Variants in TMPRSS5 observed in about 807,000 individuals in gnomAD.
The protein encoded by TMPRSS5 is transmembrane serine protease 5.
In TMPRSS5, 45 loss-of-function variants were observed where a neutral mutation model predicts 59.7. That is an observed-to-expected ratio of 0.75 (90% CI 0.59 to 0.97). TMPRSS5 has a LOEUF of 0.97. Ranked by LOEUF, TMPRSS5 falls within the 50% of genes least tolerant of loss-of-function variation. The probability of loss-of-function intolerance (pLI) is 0.00; values close to 1 mark genes in which losing one functional copy is unlikely to be tolerated. For missense variants in TMPRSS5, 585 were observed against 596.7 expected (o/e 0.98, Z 0.20); for synonymous variants, 225 against 232.0 (o/e 0.97, Z 0.27).
intron 3 of TMPRSS5, 73 bp downstream of exon 3, chr11:113,699,522 C>T (rs1464287811): frequency 1.5e-6 from 2 of 1,306,354 alleles, no homozygotes; most frequent in Non-Finnish European, 2.1e-6. Context: ...TCCCATTTAC[C>T]TTTAACACCT....
chr11:113,690,906 T>C lies in TMPRSS5; in HGVS notation c.998A>G (p.Glu333Gly). 1 of 1,596,330 alleles carries C rather than the reference T, an allele frequency of 6.3e-7. No homozygotes were observed. The highest frequency in any genetic ancestry group is 8.5e-7 in the Non-Finnish European group (1 of 1,172,082). ...CCGCGAGCCCTTCGGAAAATGCTGT[T>C]CCTTGGCCGGCAGGCACACAGCGCC... Reference protein sequence around the residue: ...TVGAVCLPAKEQHFPKGSRCW... With the variant: ...TVGAVCLPAKGQHFPKGSRCW... Residue 333 changes from glutamate (E) to glycine (G), a missense_variant, in exon 10 of 13, where the codon GAA (glutamate) becomes GGA (glycine). Physicochemically the swap from Glu to Gly is moderately conservative, Grantham distance 98. Coordinates refer to ENST00000299882, the MANE Select transcript of TMPRSS5 (RefSeq NM_030770.4).
At chr11:113,689,974 A>G in intron 11 of TMPRSS5, 57 bp from the exon 12 acceptor site, 2 of 1,472,614 alleles carry the variant, frequency 1.4e-6, no homozygotes, top group South Asian at 2.7e-5. Context: ...TTCCTGATGG[A>G]GAGCACCAGA....
intron 9 of TMPRSS5, among the ~76,000 whole-genome samples, chr11:113,691,905 T>TTTTTTTTTTA (rs1565256095): frequency 1.2e-4 from 17 of 147,616 alleles, no homozygotes; most frequent in Non-Finnish European, 1.6e-4. Context: ...TTTTTTTTTT[T>TTTTTTTTTTA]GAGACGGAGT....
At chr11:113,690,698 GA>G (rs1449118337) in intron 10 of TMPRSS5, 142 bp downstream of exon 10, 2 of 785,160 alleles carry the variant, frequency 2.5e-6, no homozygotes, top group Admixed American at 2.7e-5. Flanking sequence ...GGAGACTGGA[GA>G]CCCTAGGCCT....
intron 1 of TMPRSS5, 111 bp downstream of exon 1, chr11:113,706,111 A>G: frequency 3.8e-6 from 5 of 1,323,492 alleles, no homozygotes; most frequent in Non-Finnish European, 5.3e-6. Flanking sequence ...CCTGTACCAG[A>G]GCTGCCTCAG....
Position 113,698,989 on chromosome 11 carries a change from C to G in TMPRSS5, c.244G>C (p.Gly82Arg), listed in dbSNP as rs1232644711. The G allele has an allele frequency of 6.2e-7, 1 of 1,610,242 alleles. No homozygotes were observed. The highest frequency in any genetic ancestry group is 1.7e-5 in the Admixed American group (1 of 59,592). Reference protein sequence around the residue: ...LCPAASQPISGTLQDEEITLS... With the variant: ...LCPAASQPISRTLQDEEITLS... ...GTTATCTCCTCATCCTGCAAGGTCC[C>G]GGAAATGGGCTGAGAGGCAGCAGGA... The change falls in exon 4 of 13, where the codon GGG (glycine) becomes CGG (arginine). Residue 82 changes from glycine to arginine, a missense_variant. Physicochemically the swap from Gly to Arg is moderately radical, Grantham distance 125. Coordinates refer to ENST00000299882, the MANE Select transcript of TMPRSS5 (RefSeq NM_030770.4).
intron 4 of TMPRSS5, among the ~76,000 whole-genome samples, chr11:113,697,883 C>T (rs995388144): frequency 3.3e-5 from 5 of 152,138 alleles, no homozygotes; most frequent in Non-Finnish European, 5.9e-5. Flanking sequence ...CTCATGTCCC[C>T]GCCCCCAAAC....
Position 113,699,017 on chromosome 11 carries a change from C to T in TMPRSS5, c.216G>A (p.Leu72=), listed in dbSNP as rs115813497. 10 of 1,611,668 alleles carry T rather than the reference C, an allele frequency of 6.2e-6. No individual in the cohort carries two copies. In the African/African-American group the frequency reaches 1.2e-4, roughly 19 times the overall value. Residue 72 remains leucine, a synonymous_variant, in exon 4 of 13, where the codon CTG becomes CTA. Transcript: ENST00000299882. ...GVGSWLLVLY[L]CPAASQPISG... ...AAATGGGCTGAGAGGCAGCAGGACA[C>T]AGATACAGCACTTTAGAGAAGAACA...
chr11:113,695,159 T>A (rs1952893787), intron 7 of TMPRSS5, among the ~76,000 whole-genome samples: 1 of 151,842 alleles, frequency 6.6e-6, no homozygotes, highest in Non-Finnish European at 1.5e-5. Context: ...TGGCAGGTAG[T>A]GAAGGAAGGA....
intron 1 of TMPRSS5, among the ~76,000 whole-genome samples, chr11:113,703,206 C>A (rs1316253667): frequency 6.6e-6 from 1 of 152,250 alleles, no homozygotes; most frequent in African/African-American, 2.4e-5. Flanking sequence ...CCACCTCTTG[C>A]ATCAGCGTGA....
At chr11:113,688,478 A>T (rs538852349) in intron 12 of TMPRSS5, among the ~76,000 whole-genome samples, 1 of 152,334 alleles carries the variant, frequency 6.6e-6, no homozygotes, top group African/African-American at 2.4e-5. Flanking sequence ...CGAATGTATT[A>T]TCTACCAACC....
intron 9 of TMPRSS5, 97 bp downstream of exon 9, chr11:113,692,974 G>C: frequency 8.0e-7 from 1 of 1,249,048 alleles, no homozygotes; most frequent in South Asian, 1.3e-5. Flanking sequence ...ACAGTGTTCA[G>C]AGGAAACTTC....
At position 113,700,150 on chromosome 11, in the gene TMPRSS5, G is replaced by T. The variant is rs540483398; in HGVS notation, c.22C>A (p.Gln8Lys). The change falls in exon 2 of 13, where the codon CAA (glutamine) becomes AAA (lysine). Residue 8 changes from glutamine to lysine, a missense_variant. By Grantham distance (53) the Gln-to-Lys change is moderately conservative (BLOSUM62 1). Transcript: ENST00000299882. Reference sequence around the variant, plus strand: ...GCATACTGGGCCTCCATAGGGGGTTGGTCATCCAGCATCAGGCTCTGGGGA... The same window carrying T: ...GCATACTGGGCCTCCATAGGGGGTTTGTCATCCAGCATCAGGCTCTGGGGA... The part of the protein sequence containing the change: MSLMLDD[Q>K]PPMEAQYAEE... The T allele has an allele frequency of 6.3e-7, 1 of 1,574,802 alleles. No individual in the cohort carries two copies. Among genetic ancestry groups the T allele is most frequent in the South Asian group, 1.2e-5 (1 of 85,332 alleles).
intron 1 of TMPRSS5, among the ~76,000 whole-genome samples, chr11:113,701,326 A>G (rs531214712): frequency 7.5e-5 from 11 of 146,240 alleles, no homozygotes; most frequent in South Asian, 6.6e-4. Flanking sequence ...CAAAATACTG[A>G]TAGTGATATG....
rs1249445863 is a variant in TMPRSS5 at position 113,688,153 on chromosome 11, G to A, written c.*107C>T. 4.1e-6 allele frequency: 6 copies of A among 1,475,162 alleles called. No individual in the cohort carries two copies. The highest frequency in any genetic ancestry group is 1.5e-5 in the South Asian group (1 of 68,374). 91.4% of individuals were successfully genotyped at this position (1,475,162 alleles called of 1,614,324 possible). ...TCACACACAGTAGTAGGAGGTCCAT[G>A]CGTTCTGTGTCGGAGGCTACTGCCT... On this transcript the variant is annotated 3_prime_UTR_variant, in exon 13 of 13. Transcript: ENST00000299882.
chr11:113,699,445 G>T, intron 3 of TMPRSS5, 150 bp downstream of exon 3: 1 of 676,006 alleles, frequency 1.5e-6, no homozygotes, highest in East Asian at 2.7e-5. Context: ...GTAGAGCCTA[G>T]ATCCCTCCTG....
chr11:113,689,230 C>T (rs1034635269), intron 12 of TMPRSS5, among the ~76,000 whole-genome samples: 1 of 152,114 alleles, frequency 6.6e-6, no homozygotes, highest in Admixed American at 6.5e-5. Flanking sequence ...GTGGTGCATG[C>T]CTGTAATCCC....
chr11:113,699,255 CTCT>C lies in TMPRSS5; in HGVS notation c.206-231_206-229del, dbSNP rs1953036451. ...TCTCTCTCTCTCTCTCTCTCTCTCT[CTCT>C]CTCTCTCTCTCTCCCTCTCTCTCTC... On this transcript the variant is annotated intron_variant, in intron 3 of 12. Coordinates refer to ENST00000299882, the MANE Select transcript of TMPRSS5 (RefSeq NM_030770.4). Among the ~76,000 whole-genome samples, 10 of 83,122 alleles carry C rather than the reference CTCT, an allele frequency of 1.2e-4. No homozygotes were observed. The East Asian group carries it at 3.1e-3, about 25-fold the overall frequency. 54.5% of individuals were successfully genotyped at this position (83,122 alleles called of 152,430 possible).
At chr11:113,695,533 G>A (rs1952905591) in intron 6 of TMPRSS5, 90 bp from the exon 7 acceptor site, 2 of 1,331,978 alleles carry the variant, frequency 1.5e-6, no homozygotes, top group East Asian at 4.7e-5. Flanking sequence ...GGAGGCTGGT[G>A]GGGGTGGTGG....
Sources: gnomAD v4.1 joint callset for allele counts (sites outside exome capture counted in the v4.1 genomes callset) on GRCh38, gnomAD v4.1.1 for gene constraint, MANE v1.5 for transcripts, NCBI Gene and HGNC (gene_info 2026-07-23, HGNC 2026-07-21) for gene names.